SUPT3H: variants seen among roughly 807,000 people sequenced by gnomAD.
SUPT3H encodes the protein transcription initiation protein SPT3 homolog.
SUPT3H carries 44 observed loss-of-function variants against 44.3 expected under a neutral mutation model. The ratio of observed to expected loss-of-function variants is 0.99; its 90% CI spans 0.78 to 1.28. The LOEUF is 1.28. SUPT3H is among the 50% of genes most tolerant of loss of function. SUPT3H has a pLI of 0.00. For missense variants in SUPT3H, 380 were observed against 387.1 expected (o/e 0.98, Z 0.15); for synonymous variants, 124 against 125.6 (o/e 0.99, Z 0.09).
At chr6:45,017,333 G>C (rs1370443040) in intron 4 of SUPT3H, among the ~76,000 whole-genome samples, 9 of 150,258 alleles carry the variant, frequency 6.0e-5, no homozygotes. Flanking sequence ...TTGCTGTGCA[G>C]AAGCTCTTTA....
intron 5 of SUPT3H, among the ~76,000 whole-genome samples, chr6:45,009,201 T>C (rs546044278): frequency 6.6e-6 from 1 of 152,228 alleles, no homozygotes; most frequent in East Asian, 1.9e-4. Flanking sequence ...ATAAGAAAAA[T>C]TTTCTTCCAT....
intron 10 of SUPT3H, among the ~76,000 whole-genome samples, chr6:44,928,715 C>T (rs540790082): frequency 1.3e-5 from 2 of 151,038 alleles, no homozygotes; most frequent in Admixed American, 1.3e-4. Context: ...AACCCCGTCT[C>T]TACTAAAAAT....
chr6:44,888,378 C>A (rs12205568), intron 10 of SUPT3H, among the ~76,000 whole-genome samples: 31,180 of 151,974 alleles, frequency 0.21, 3,902 homozygotes, highest in Non-Finnish European at 0.29. Flanking sequence ...AAAATACTGG[C>A]AAACCGAATC....
At chr6:44,901,601 A>G (rs1293600) in intron 10 of SUPT3H, among the ~76,000 whole-genome samples, 73,642 of 148,176 alleles carry the variant, frequency 0.5, 18,303 homozygotes, top group Admixed American at 0.57. Flanking sequence ...AACACTCTGC[A>G]GGATATTATC....
chr6:45,058,959 CTATT>C (rs775551042), intron 3 of SUPT3H, among the ~76,000 whole-genome samples: 5 of 152,176 alleles, frequency 3.3e-5, no homozygotes, highest in African/African-American at 1.2e-4. Context: ...TCTTGGTTGA[CTATT>C]TAAGCACTTT....
At chr6:44,809,125 A>G (rs930335509), downstream of SUPT3H, among the ~76,000 whole-genome samples, 1 of 152,350 alleles carries the variant, frequency 6.6e-6, no homozygotes, top group Middle Eastern at 3.4e-3. Flanking sequence ...AAAAACAGAT[A>G]GAGCACTGAG....
intron 5 of SUPT3H, among the ~76,000 whole-genome samples, chr6:45,005,290 T>C (rs1190591351): frequency 6.6e-6 from 1 of 152,208 alleles, no homozygotes; most frequent in African/African-American, 2.4e-5. Flanking sequence ...TTTCTGTTAA[T>C]TGTCTAGTTT....
intron 2 of SUPT3H, among the ~76,000 whole-genome samples, chr6:45,232,255 C>T (rs575039928): frequency 1.3e-5 from 2 of 152,212 alleles, no homozygotes; most frequent in South Asian, 4.1e-4. Context: ...TGGGTAGGCC[C>T]CTTTGGCTTT....
chr6:45,283,361 C>T (rs1220380266), intron 2 of SUPT3H, among the ~76,000 whole-genome samples: 1 of 152,044 alleles, frequency 6.6e-6, no homozygotes, highest in Non-Finnish European at 1.5e-5. Context: ...CAGAGACATA[C>T]ATAGGATCAA....
intron 9 of SUPT3H, among the ~76,000 whole-genome samples, chr6:44,951,178 C>A (rs1479425022): frequency 2.0e-5 from 3 of 150,066 alleles, no homozygotes; most frequent in Non-Finnish European, 4.4e-5. Flanking sequence ...TATCATAGTC[C>A]TATTTTTCTT....
rs574693117 is a variant in SUPT3H at position 45,265,061 on chromosome 6, T to TATAC, written c.101+100136_101+100139dup. Among the ~76,000 whole-genome samples the TATAC allele has an allele frequency of 5.0e-4, 76 of 152,274 alleles. 1 individual carries two copies. The South Asian group carries it at 0.015, about 31-fold the overall frequency. On this transcript the variant is annotated intron_variant, in intron 2 of 10. Coordinates refer to ENST00000371459, the MANE Select transcript of SUPT3H (RefSeq NM_003599.4). ...TCTAGTTACAATGAATTTTCCTTGA[T>TATAC]ATACACACAATTATTTCAAATCCAG...
intron 10 of SUPT3H, among the ~76,000 whole-genome samples, chr6:44,929,871 T>C (rs182320331): frequency 6.6e-6 from 1 of 152,124 alleles, no homozygotes; most frequent in East Asian, 1.9e-4. Context: ...TTTAATGAGA[T>C]AATTTTTAAC....
Position 45,150,366 on chromosome 6 carries a change from A to G in SUPT3H, c.102-44360T>C, listed in dbSNP as rs138602788. ...AGTCAAACATACATGGAAATGTCTG[A>G]TGAAAAAATGACCATTGTTGGAAAT... On this transcript the variant is annotated intron_variant, in intron 2 of 10. Transcript: ENST00000371459. 5.5e-3 allele frequency among the ~76,000 whole-genome samples: 830 copies of G among 152,268 alleles called. 5 individuals carry two copies. Among genetic ancestry groups the G allele is most frequent in the Non-Finnish European group, 8.6e-3 (587 of 68,014 alleles).
downstream of SUPT3H, among the ~76,000 whole-genome samples, chr6:44,825,952 A>AATTG (rs1397207788): frequency 2.0e-5 from 3 of 152,166 alleles, no homozygotes; most frequent in African/African-American, 7.2e-5. Flanking sequence ...TGACTGCAGG[A>AATTG]ATTGATTGCT....
intron 2 of SUPT3H, among the ~76,000 whole-genome samples, chr6:45,228,402 T>C (rs1175885751): frequency 6.6e-6 from 1 of 152,204 alleles, no homozygotes; most frequent in Non-Finnish European, 1.5e-5. Context: ...TGCTGCTTTA[T>C]AGCCTTAGAA....
intron 2 of SUPT3H, among the ~76,000 whole-genome samples, chr6:45,348,836 T>C (rs1005257410): frequency 6.6e-6 from 1 of 152,198 alleles, no homozygotes; most frequent in African/African-American, 2.4e-5. Context: ...CGATCCTTCA[T>C]GTTTCAGCTT....
At chr6:45,210,789 CCAGG>C (rs1238351937) in intron 2 of SUPT3H, among the ~76,000 whole-genome samples, 2 of 152,134 alleles carry the variant, frequency 1.3e-5, no homozygotes, top group Non-Finnish European at 2.9e-5. Flanking sequence ...TTTATAAGCA[CCAGG>C]CAATCAAAAA....
At chr6:45,101,321 A>G (rs1191896671) in intron 3 of SUPT3H, among the ~76,000 whole-genome samples, 1 of 152,228 alleles carries the variant, frequency 6.6e-6, no homozygotes, top group Non-Finnish European at 1.5e-5. Flanking sequence ...GCTACTTGGG[A>G]GGCTGAGGCA....
At chr6:45,346,567 C>CTTTT (rs71745024) in intron 2 of SUPT3H, among the ~76,000 whole-genome samples, 15,715 of 140,252 alleles carry the variant, frequency 0.11, 1,176 homozygotes, top group East Asian at 0.24. Flanking sequence ...ATAAACATTT[C>CTTTT]TTTTTTTTTT....
Sources: gnomAD v4.1 joint callset for allele counts (sites outside exome capture counted in the v4.1 genomes callset) on GRCh38, gnomAD v4.1.1 for gene constraint, MANE v1.5 for transcripts, NCBI Gene and HGNC (gene_info 2026-07-23, HGNC 2026-07-21) for gene names.